EPM2A: variants seen among roughly 807,000 people sequenced by gnomAD.
EPM2A encodes laforin.
EPM2A carries 21 observed loss-of-function variants against 26.5 expected under a neutral mutation model. That is an observed-to-expected ratio of 0.79 (90% CI 0.56 to 1.14). The LOEUF (loss-of-function observed/expected upper bound fraction) is 1.14. Among genes scored for constraint, EPM2A ranks in the 50% most tolerant of loss-of-function variants. The pLI is 0.00. For synonymous variants in EPM2A, 217 were observed against 177.6 expected (o/e 1.22, Z -1.76); for missense variants, 458 against 440.8 (o/e 1.04, Z -0.35).
intron 2 of EPM2A, among the ~76,000 whole-genome samples, chr6:145,551,708 C>A (rs1408465470): frequency 6.6e-6 from 1 of 151,858 alleles, no homozygotes; most frequent in Non-Finnish European, 1.5e-5. Context: ...ATGTCAATTT[C>A]AATACTGACC....
At chr6:145,717,308 TC>T (rs1409923355) in intron 1 of EPM2A, among the ~76,000 whole-genome samples, 1 of 152,174 alleles carries the variant, frequency 6.6e-6, no homozygotes, top group African/African-American at 2.4e-5. Context: ...CAAGTCTGGT[TC>T]AATATACGCA....
intron 1 of EPM2A, among the ~76,000 whole-genome samples, chr6:145,719,565 A>T (rs1454885297): frequency 6.6e-6 from 1 of 152,100 alleles, no homozygotes; most frequent in Non-Finnish European, 1.5e-5. Flanking sequence ...TGGCACATGT[A>T]TACATATGTA....
At chr6:145,528,098 A>G (rs1287406339) in intron 2 of EPM2A, among the ~76,000 whole-genome samples, 1 of 152,214 alleles carries the variant, frequency 6.6e-6, no homozygotes, top group Non-Finnish European at 1.5e-5. Flanking sequence ...GCAAGCGGTG[A>G]GAAAGCTGCA....
intron 2 of EPM2A, among the ~76,000 whole-genome samples, chr6:145,642,076 A>G (rs1315835495): frequency 2.0e-5 from 3 of 152,094 alleles, no homozygotes; most frequent in Non-Finnish European, 4.4e-5. Flanking sequence ...TGCCGTGTCA[A>G]TAGATTATAA....
intron 4 of EPM2A, among the ~76,000 whole-genome samples, chr6:145,398,859 C>A (rs369227565): frequency 2.6e-3 from 343 of 131,382 alleles, no homozygotes; most frequent in Admixed American, 3.0e-3. Context: ...GACTCTGTCT[C>A]AAAAAAAAAA....
chr6:145,404,729 T>C (rs895207471), intron 4 of EPM2A, among the ~76,000 whole-genome samples: 2 of 152,140 alleles, frequency 1.3e-5, no homozygotes, highest in East Asian at 1.9e-4. Flanking sequence ...AGTCTAATTA[T>C]ATCCTTTGCC....
At chr6:145,460,287 G>A (rs1779313397) in intron 4 of EPM2A, among the ~76,000 whole-genome samples, 1 of 152,142 alleles carries the variant, frequency 6.6e-6, no homozygotes, top group Non-Finnish European at 1.5e-5. Context: ...TATAAGAAAA[G>A]CCTTAAACCA....
intron 2 of EPM2A, among the ~76,000 whole-genome samples, chr6:145,588,407 T>C (rs1363984477): frequency 6.6e-6 from 1 of 152,204 alleles, no homozygotes; most frequent in African/African-American, 2.4e-5. Context: ...GGAACATGTT[T>C]AACTTGGGAG....
chr6:145,561,993 C>T (rs1268011901), intron 2 of EPM2A, among the ~76,000 whole-genome samples: 8 of 151,834 alleles, frequency 5.3e-5, no homozygotes, highest in Non-Finnish European at 1.0e-4. Flanking sequence ...GTGCAAACCA[C>T]CACAACACAT....
intron 2 of EPM2A, among the ~76,000 whole-genome samples, chr6:145,540,602 C>T (rs1276616050): frequency 1.3e-5 from 2 of 152,184 alleles, no homozygotes; most frequent in Non-Finnish European, 2.9e-5. Flanking sequence ...AAGCATGAAT[C>T]TCCAATCCTA....
chr6:145,435,777 T>C (rs923154328), intron 4 of EPM2A, among the ~76,000 whole-genome samples: 2 of 152,162 alleles, frequency 1.3e-5, no homozygotes, highest in South Asian at 4.1e-4. Flanking sequence ...TAGCATGATT[T>C]TTGTTGTTGT....
intron 4 of EPM2A, among the ~76,000 whole-genome samples, chr6:145,397,308 G>A (rs1038431382): frequency 1.3e-5 from 2 of 152,126 alleles, no homozygotes; most frequent in South Asian, 2.1e-4. Flanking sequence ...AGGCATGGTG[G>A]CACATGCCTG....
intron 2 of EPM2A, among the ~76,000 whole-genome samples, chr6:145,532,877 C>T (rs1015977956): frequency 6.6e-6 from 1 of 152,172 alleles, no homozygotes; most frequent in African/African-American, 2.4e-5. Flanking sequence ...CAGCTCTCTT[C>T]CTTTCTCTCT....
intron 2 of EPM2A, among the ~76,000 whole-genome samples, chr6:145,533,667 G>T (rs1348908598): frequency 2.6e-5 from 4 of 151,806 alleles, no homozygotes; most frequent in African/African-American, 9.7e-5. Flanking sequence ...TGCATGACTG[G>T]GTCTACTTCA....
chr6:145,405,747 A>T (rs982919871), intron 4 of EPM2A, among the ~76,000 whole-genome samples: 2 of 152,148 alleles, frequency 1.3e-5, no homozygotes, highest in Non-Finnish European at 2.9e-5. Flanking sequence ...AACTAGAGTA[A>T]AGAAACTTCA....
intron 2 of EPM2A, among the ~76,000 whole-genome samples, chr6:145,510,818 T>C (rs1562364019): frequency 1.3e-5 from 2 of 152,058 alleles, no homozygotes; most frequent in Non-Finnish European, 1.5e-5. Flanking sequence ...AAAGTTGTCC[T>C]TTGAAAGGAT....
At chr6:145,662,575 T>G (rs1778800645) in intron 2 of EPM2A, among the ~76,000 whole-genome samples, 1 of 152,094 alleles carries the variant, frequency 6.6e-6, no homozygotes, top group African/African-American at 2.4e-5. Flanking sequence ...CTGGGTCACC[T>G]CCGAATACAG....
At chr6:145,450,481 T>C (rs926376653) in intron 4 of EPM2A, among the ~76,000 whole-genome samples, 1 of 152,078 alleles carries the variant, frequency 6.6e-6, no homozygotes, top group East Asian at 1.9e-4. Flanking sequence ...GAACTGTATA[T>C]GTATTCTCAC....
chr6:145,451,872 T>G (rs1330595217), intron 4 of EPM2A, among the ~76,000 whole-genome samples: 2 of 95,508 alleles, frequency 2.1e-5, no homozygotes, highest in Non-Finnish European at 4.5e-5. Flanking sequence ...GTAAAAGCCT[T>G]TTGATCGCCA....
Sources: allele counts gnomAD v4.1 joint callset (sites outside exome capture counted in the v4.1 genomes callset), GRCh38; gene constraint gnomAD v4.1.1; transcripts MANE v1.5; gene names NCBI Gene and HGNC (gene_info 2026-07-23, HGNC 2026-07-21).